The following PPP3CA variants were observed in gnomAD, a reference collection of about 807,000 sequenced individuals.
PPP3CA encodes the protein CAM-PRP catalytic subunit.
PPP3CA carries 14 observed loss-of-function variants against 66.5 expected under a neutral mutation model. The ratio of observed to expected loss-of-function variants is 0.21; its 90% CI spans 0.14 to 0.33. The LOEUF (loss-of-function observed/expected upper bound fraction) is 0.33. PPP3CA is among the 10% of genes least tolerant of loss of function. The probability of loss-of-function intolerance (pLI) is 1.00; values close to 1 mark genes in which losing one functional copy is unlikely to be tolerated. For synonymous variants in PPP3CA, 232 were observed against 226.2 expected (o/e 1.03, Z -0.23); for missense variants, 317 against 639.5 (o/e 0.50, Z 5.44).
Position 101,024,282 on chromosome 4 carries a change from G to A in PPP3CA, c.*1583C>T, listed in dbSNP as rs911691016. The A allele has an allele frequency of 2.0e-5, 3 of 152,442 alleles. No homozygotes were observed. The highest frequency in any genetic ancestry group is 7.2e-5 in the African/African-American group (3 of 41,456). 9.4% of individuals were successfully genotyped at this position (152,442 alleles called of 1,614,324 possible). On this transcript the variant is annotated 3_prime_UTR_variant, in exon 14 of 14. Coordinates refer to ENST00000394854, the MANE Select transcript of PPP3CA (RefSeq NM_000944.5). ...CACCTAGAAGACACATGGTGGTTGT[G>A]CACATAAATCCCTTCAGCGGACTCA...
rs184042047 is a variant in PPP3CA, at chr4:101,321,844, T to C, written c.58+24895A>G. On this transcript the variant is annotated intron_variant, in intron 1 of 13. Coordinates refer to ENST00000394854, the MANE Select transcript of PPP3CA (RefSeq NM_000944.5). ...AGTGCCAAGAGAAAGGTGTTTTTAA[T>C]AGCAGTACTCTGTGAAGAAAGAGGA... is the stretch of plus-strand genomic sequence containing the variant. 4.3e-4 allele frequency among the ~76,000 whole-genome samples: 66 copies of C among 152,272 alleles called. 1 individual carries two copies. The highest frequency in any genetic ancestry group is 1.5e-3 in the African/African-American group (61 of 41,550).
chr4:101,161,258 C>T (rs1015434467), intron 2 of PPP3CA, among the ~76,000 whole-genome samples: 1 of 152,094 alleles, frequency 6.6e-6, no homozygotes, highest in Non-Finnish European at 1.5e-5. Flanking sequence ...GTTCCCACAA[C>T]AAAATCGGCA....
intron 2 of PPP3CA, among the ~76,000 whole-genome samples, chr4:101,175,264 G>A (rs1724022178): frequency 6.6e-6 from 1 of 152,196 alleles, no homozygotes. Flanking sequence ...GACTAAAGTT[G>A]ACAGCTTGAA....
intron 2 of PPP3CA, among the ~76,000 whole-genome samples, chr4:101,163,268 CT>C (rs894599187): frequency 1.3e-5 from 2 of 152,122 alleles, no homozygotes; most frequent in African/African-American, 4.8e-5. Flanking sequence ...TATTCCTCTG[CT>C]TTTTCTAAAA....
At chr4:101,119,883 G>T (rs1050172547) in intron 2 of PPP3CA, among the ~76,000 whole-genome samples, 2 of 151,984 alleles carry the variant, frequency 1.3e-5, no homozygotes, top group Non-Finnish European at 2.9e-5. Flanking sequence ...TTAAGCAAAG[G>T]AATGATTAGA....
chr4:101,233,163 GTACAGA>G (rs556728010), intron 1 of PPP3CA, among the ~76,000 whole-genome samples: 39 of 151,860 alleles, frequency 2.6e-4, no homozygotes, highest in South Asian at 1.2e-3. Context: ...ATTTGAAAAT[GTACAGA>G]TACAAAGAAT....
intron 2 of PPP3CA, among the ~76,000 whole-genome samples, chr4:101,176,906 C>T (rs1724078756): frequency 6.6e-6 from 1 of 152,064 alleles, no homozygotes; most frequent in Non-Finnish European, 1.5e-5. Flanking sequence ...TCCCTTTTCA[C>T]CATGCTTTTT....
intron 1 of PPP3CA, among the ~76,000 whole-genome samples, chr4:101,301,014 A>G (rs1287730350): frequency 6.6e-6 from 1 of 152,240 alleles, no homozygotes; most frequent in Non-Finnish European, 1.5e-5. Flanking sequence ...ATTTAGGAAC[A>G]GGATTTTACT....
intron 2 of PPP3CA, among the ~76,000 whole-genome samples, chr4:101,131,113 T>C (rs1722416732): frequency 6.6e-6 from 1 of 151,880 alleles, no homozygotes; most frequent in Non-Finnish European, 1.5e-5. Flanking sequence ...GGTGGGGGCC[T>C]ATATTCCCAG....
At chr4:101,180,039 C>A (rs1043243269) in intron 2 of PPP3CA, among the ~76,000 whole-genome samples, 6 of 152,066 alleles carry the variant, frequency 3.9e-5, no homozygotes, top group Non-Finnish European at 5.9e-5. Context: ...AATGATAGGA[C>A]CATGATTAAT....
intron 13 of PPP3CA, among the ~76,000 whole-genome samples, chr4:101,026,973 A>C (rs1025136779): frequency 6.6e-6 from 1 of 152,252 alleles, no homozygotes; most frequent in African/African-American, 2.4e-5. Flanking sequence ...TGGAATTCTC[A>C]AAGTGGGAAT....
chr4:101,269,236 C>G (rs1197540483), intron 1 of PPP3CA, among the ~76,000 whole-genome samples: 1 of 151,916 alleles, frequency 6.6e-6, no homozygotes, highest in Non-Finnish European at 1.5e-5. Flanking sequence ...CACCATATAC[C>G]CTTATGGAAG....
chr4:101,057,506 G>A (rs940527405), intron 10 of PPP3CA, among the ~76,000 whole-genome samples: 2 of 152,110 alleles, frequency 1.3e-5, no homozygotes, highest in Middle Eastern at 3.4e-3. Context: ...GACACATTTC[G>A]GACTCCGATC....
chr4:101,167,936 G>A (rs1182696544), intron 2 of PPP3CA, among the ~76,000 whole-genome samples: 1 of 152,154 alleles, frequency 6.6e-6, no homozygotes, highest in African/African-American at 2.4e-5. Context: ...TGGAGTTGAG[G>A]TAAAGCACTT....
chr4:101,283,559 A>G (rs1305109671), intron 1 of PPP3CA, among the ~76,000 whole-genome samples: 1 of 152,228 alleles, frequency 6.6e-6, no homozygotes, highest in Non-Finnish European at 1.5e-5. Flanking sequence ...GCTTGCAGGG[A>G]AAAACATATT....
chr4:101,031,656 G>A (rs1726967107), intron 12 of PPP3CA, among the ~76,000 whole-genome samples: 2 of 152,102 alleles, frequency 1.3e-5, no homozygotes, highest in African/African-American at 4.8e-5. Flanking sequence ...GGACGGCACA[G>A]GTCTAAGGTC....
chr4:101,346,270 G>T (rs1279314775), intron 1 of PPP3CA, among the ~76,000 whole-genome samples: 1 of 152,054 alleles, frequency 6.6e-6, no homozygotes, highest in East Asian at 1.9e-4. Flanking sequence ...GCAGTCGGTG[G>T]AAAGCCACGG....
chr4:101,174,610 ATATTG>A (rs1414019600), intron 2 of PPP3CA, among the ~76,000 whole-genome samples: 2 of 152,190 alleles, frequency 1.3e-5, no homozygotes, highest in Non-Finnish European at 2.9e-5. Flanking sequence ...AAAATTATAC[ATATTG>A]TAAAGTATTT....
intron 2 of PPP3CA, among the ~76,000 whole-genome samples, chr4:101,132,233 G>A (rs1722466858): frequency 6.6e-6 from 1 of 152,076 alleles, no homozygotes; most frequent in African/African-American, 2.4e-5. Context: ...GCTAGCAGAA[G>A]ACAAGAAATA....
Sources: allele counts gnomAD v4.1 joint callset (sites outside exome capture counted in the v4.1 genomes callset), GRCh38; gene constraint gnomAD v4.1.1; transcripts MANE v1.5; gene names NCBI Gene and HGNC (gene_info 2026-07-23, HGNC 2026-07-21).